The following TAFA5 variants were observed in gnomAD, a reference collection of about 807,000 sequenced individuals.
TAFA5 encodes TAFA chemokine like family member 5.
In TAFA5, 6 loss-of-function variants were observed where a neutral mutation model predicts 15.3. The observed-to-expected ratio is 0.39, with a 90% CI of 0.21 to 0.77. The LOEUF (loss-of-function observed/expected upper bound fraction) is 0.77, where lower values mean the gene tolerates loss of function less well. Among genes scored for constraint, TAFA5 ranks in the 30% least tolerant of loss-of-function variants. The pLI is 0.41. For synonymous variants in TAFA5, 103 were observed against 80.7 expected (o/e 1.28, Z -1.48); for missense variants, 161 against 193.1 (o/e 0.83, Z 0.98).
intron 2 of TAFA5, among the ~76,000 whole-genome samples, chr22:48,690,742 C>T (rs1024068816): frequency 1.3e-5 from 2 of 152,198 alleles, no homozygotes; most frequent in African/African-American, 2.4e-5. Context: ...TCAAGCTGGA[C>T]GTGACCTGAG....
intron 1 of TAFA5, chr22:48,576,428 C>A (rs1055706726): frequency 1.2e-5 from 16 of 1,323,240 alleles, no homozygotes; most frequent in Non-Finnish European, 1.4e-5. Context: ...TGATGCGGCG[C>A]CTGGACCTTC....
At chr22:48,732,380 C>G (rs130209) in intron 3 of TAFA5, among the ~76,000 whole-genome samples, 94,348 of 151,394 alleles carry the variant, frequency 0.62, 30,445 homozygotes, top group Non-Finnish European at 0.7. Flanking sequence ...CCTCAGCCTC[C>G]CGAGTAGGTG....
Position 48,751,558 on chromosome 22 carries a change from C to G in TAFA5, c.*1711C>G, listed in dbSNP as rs1930496835. 6.6e-6 allele frequency: 1 copy of G among 152,406 alleles called. No homozygotes were observed. Among genetic ancestry groups the G allele is most frequent in the African/African-American group, 2.4e-5 (1 of 41,462 alleles). 9.4% of individuals were successfully genotyped at this position (152,406 alleles called of 1,614,324 possible). ...ATAGACTGAAGATACGAAAGAAAAT[C>G]CATTTATTTAAGACCTGTTCCGGTA... is the stretch of plus-strand genomic sequence containing the variant. On this transcript the variant is annotated 3_prime_UTR_variant, in exon 4 of 4. Coordinates refer to ENST00000402357, the MANE Select transcript of TAFA5 (RefSeq NM_001082967.3).
At chr22:48,746,771 C>T (rs984437553) in intron 3 of TAFA5, among the ~76,000 whole-genome samples, 3 of 152,088 alleles carry the variant, frequency 2.0e-5, no homozygotes, top group Non-Finnish European at 2.9e-5. Flanking sequence ...GGAGGGGCCT[C>T]GTCACCTGTC....
chr22:48,726,826 C>T (rs1198610571), intron 3 of TAFA5, among the ~76,000 whole-genome samples: 7 of 152,226 alleles, frequency 4.6e-5, no homozygotes, highest in Admixed American at 3.3e-4. Context: ...CCACCTGGCA[C>T]TCTTCATTCA....
intron 1 of TAFA5, among the ~76,000 whole-genome samples, chr22:48,514,499 GC>G (rs1921334152): frequency 6.6e-6 from 1 of 152,156 alleles, no homozygotes; most frequent in Admixed American, 6.5e-5. Context: ...TGAGGTGGCC[GC>G]GGCTCCTGGC....
intron 1 of TAFA5, among the ~76,000 whole-genome samples, chr22:48,623,639 C>G (rs1002168341): frequency 1.3e-5 from 2 of 152,234 alleles, no homozygotes; most frequent in African/African-American, 4.8e-5. Flanking sequence ...AGCCTGCAGA[C>G]AGGTGTGCAG....
intron 1 of TAFA5, among the ~76,000 whole-genome samples, chr22:48,608,774 T>C (rs28633774): frequency 0.081 from 12,323 of 152,240 alleles, 689 homozygotes; most frequent in Non-Finnish European, 0.12. Context: ...CGCTGGCCTT[T>C]GTCTGCTTGA....
intron 3 of TAFA5, among the ~76,000 whole-genome samples, chr22:48,718,625 G>A (rs1929476851): frequency 6.6e-6 from 1 of 152,132 alleles, no homozygotes; most frequent in Admixed American, 6.5e-5. Flanking sequence ...GCCAAGCCGG[G>A]GCCTTGGGGC....
At chr22:48,616,881 C>G (rs1161013287) in intron 1 of TAFA5, among the ~76,000 whole-genome samples, 1 of 152,110 alleles carries the variant, frequency 6.6e-6, no homozygotes, top group African/African-American at 2.4e-5. Context: ...GGGGTGGGAG[C>G]GTCTTGTCCG....
intron 1 of TAFA5, chr22:48,539,471 A>C (rs1187917127): frequency 2.1e-6 from 1 of 471,030 alleles, no homozygotes; most frequent in Non-Finnish European, 4.4e-6. Flanking sequence ...AAAGACAATT[A>C]TTGTGTTGAC....
intron 1 of TAFA5, among the ~76,000 whole-genome samples, chr22:48,529,309 T>C (rs1488884991): frequency 1.5e-5 from 1 of 68,118 alleles, no homozygotes; most frequent in Non-Finnish European, 2.8e-5. Flanking sequence ...AGGCAGGAGA[T>C]GGGGGTGTCC....
intron 2 of TAFA5, 59 bp downstream of exon 2, chr22:48,646,805 C>A (rs1394710275): frequency 3.4e-5 from 52 of 1,512,164 alleles, no homozygotes; most frequent in Non-Finnish European, 4.4e-5. Flanking sequence ...ACCAAAGGTG[C>A]CTCTTCCCTG....
At chr22:48,732,475 C>G (rs1319854114) in intron 3 of TAFA5, among the ~76,000 whole-genome samples, 1 of 152,156 alleles carries the variant, frequency 6.6e-6, no homozygotes. Flanking sequence ...CCAGGATGGT[C>G]TCGATCTCCT....
chr22:48,618,578 T>C (rs1355533198), intron 1 of TAFA5, among the ~76,000 whole-genome samples: 1 of 151,898 alleles, frequency 6.6e-6, no homozygotes, highest in Non-Finnish European at 1.5e-5. Context: ...TGGGAAGTCC[T>C]GGAGGCAGCG....
At chr22:48,586,829 G>C (rs538337149) in intron 1 of TAFA5, among the ~76,000 whole-genome samples, 11 of 152,354 alleles carry the variant, frequency 7.2e-5, no homozygotes, top group African/African-American at 2.6e-4. Context: ...CAGCCCCTTT[G>C]TCCAGACACT....
chr22:48,617,801 A>G (rs895733042), intron 1 of TAFA5, among the ~76,000 whole-genome samples: 1 of 151,928 alleles, frequency 6.6e-6, no homozygotes, highest in Non-Finnish European at 1.5e-5. Flanking sequence ...GAGAAGACGG[A>G]GCAGGGCCCT....
chr22:48,739,947 C>G (rs1930134090), intron 3 of TAFA5, among the ~76,000 whole-genome samples: 1 of 152,190 alleles, frequency 6.6e-6, no homozygotes, highest in Non-Finnish European at 1.5e-5. Context: ...TCTGGGGGCC[C>G]TGCACCCTCA....
At position 48,634,124 on chromosome 22, in the gene TAFA5, A is replaced by G. The variant is rs72490222; in HGVS notation, c.113-12473A>G. ...TTCCTTGACGTTCACTCACTCGCTCACTCACTCACTCACTCACTCATTTAT... is the reference window on the plus strand; with the variant it reads ...TTCCTTGACGTTCACTCACTCGCTCGCTCACTCACTCACTCACTCATTTAT... On this transcript the variant is annotated intron_variant, in intron 1 of 3. Coordinates refer to ENST00000402357, the MANE Select transcript of TAFA5 (RefSeq NM_001082967.3). 4.3e-3 allele frequency among the ~76,000 whole-genome samples: 565 copies of G among 131,238 alleles called. 5 individuals carry two copies. In the East Asian group the frequency reaches 0.053, roughly 12 times the overall value. The allele number at this position is 131,238 out of a possible 152,430, so 86.1% of individuals were successfully genotyped here.
Sources: gnomAD v4.1 joint callset for allele counts (sites outside exome capture counted in the v4.1 genomes callset) on GRCh38, gnomAD v4.1.1 for gene constraint, MANE v1.5 for transcripts, NCBI Gene and HGNC (gene_info 2026-07-23, HGNC 2026-07-21) for gene names.